The following CUBN variants were observed in gnomAD, a reference collection of about 807,000 sequenced individuals.
CUBN encodes 460 kDa receptor.
Under a neutral mutation model 405.3 loss-of-function variants are expected in CUBN, and 282 were observed. The ratio of observed to expected loss-of-function variants is 0.70; its 90% CI spans 0.63 to 0.77. The LOEUF (loss-of-function observed/expected upper bound fraction) is 0.77, where lower values mean the gene tolerates loss of function less well. CUBN is among the 30% of genes least tolerant of loss of function. CUBN has a pLI of 0.00. For missense variants in CUBN, 4,514 were observed against 4,475.2 expected (o/e 1.01, Z -0.25); for synonymous variants, 1,684 against 1,617.0 (o/e 1.04, Z -0.99).
intron 65 of CUBN, among the ~76,000 whole-genome samples, chr10:16,830,787 G>A (rs1838963899): frequency 6.6e-6 from 1 of 152,080 alleles, no homozygotes; most frequent in African/African-American, 2.4e-5. Context: ...CAGAAATAAT[G>A]AATAAATGTA....
chr10:17,119,526 G>T (rs1023439979), intron 6 of CUBN, among the ~76,000 whole-genome samples: 1 of 152,174 alleles, frequency 6.6e-6, no homozygotes, highest in Admixed American at 6.5e-5. Flanking sequence ...CGGGTATGGT[G>T]TCAGGTGCCT....
At chr10:17,000,954 G>A (rs1306536942) in intron 28 of CUBN, among the ~76,000 whole-genome samples, 1 of 152,224 alleles carries the variant, frequency 6.6e-6, no homozygotes, top group African/African-American at 2.4e-5. Flanking sequence ...TGAACAGTGA[G>A]TGTTACAGTT....
chr10:17,003,548 A>G (rs917819761), intron 28 of CUBN, among the ~76,000 whole-genome samples: 2 of 152,204 alleles, frequency 1.3e-5, no homozygotes, highest in African/African-American at 2.4e-5. Context: ...TCGTTCAACA[A>G]AAGTTTTTTG....
Position 16,901,478 on chromosome 10 carries a change from C to T in CUBN, c.8063-19G>A. 1.2e-6 allele frequency: 2 copies of T among 1,613,904 alleles called. No individual in the cohort carries two copies. Among genetic ancestry groups the T allele is most frequent in the Non-Finnish European group, 1.7e-6 (2 of 1,179,886 alleles). Reference sequence around the variant, plus strand: ...CCACAATCTGAAATGAGATTGGTAACCCTCTCAATAAAACAGAAGTAAAAA... The same window carrying T: ...CCACAATCTGAAATGAGATTGGTAATCCTCTCAATAAAACAGAAGTAAAAA... On this transcript the variant is annotated intron_variant, in intron 51 of 66. Transcript: ENST00000377833.
intron 50 of CUBN, 106 bp from the exon 51 acceptor site, chr10:16,904,221 A>G: frequency 9.3e-7 from 1 of 1,079,836 alleles, no homozygotes; most frequent in South Asian, 1.3e-5. Context: ...ACACACACTT[A>G]AATTCTGATT....
rs1374128716 is a variant in CUBN at position 16,874,512 on chromosome 10, G to A, written c.9107-9C>T. On this transcript the variant is annotated splice_polypyrimidine_tract_variant and intron_variant, in intron 57 of 66. Coordinates refer to ENST00000377833, the MANE Select transcript of CUBN (RefSeq NM_001081.4). ...GAACACACCACCACAGGCTGCAACA[G>A]AAGACAAGGGAATATGAAGAGAACA... The A allele has an allele frequency of 1.9e-6, 3 of 1,614,104 alleles. No individual in the cohort carries two copies. Among genetic ancestry groups the A allele is most frequent in the Non-Finnish European group, 2.5e-6 (3 of 1,179,968 alleles).
chr10:16,844,194 G>A (rs1353499367), intron 60 of CUBN, among the ~76,000 whole-genome samples: 2 of 151,630 alleles, frequency 1.3e-5, no homozygotes, highest in Admixed American at 6.6e-5. Context: ...GCTTGAACCC[G>A]GGAGGCAGAG....
At chr10:16,877,575 C>T (rs961934009) in intron 56 of CUBN, among the ~76,000 whole-genome samples, 3 of 152,190 alleles carry the variant, frequency 2.0e-5, no homozygotes, top group Non-Finnish European at 4.4e-5. Flanking sequence ...AGCGCTGCTA[C>T]TGAGAAAACT....
chr10:17,004,127 G>T (rs984554662), intron 28 of CUBN, among the ~76,000 whole-genome samples: 3 of 152,012 alleles, frequency 2.0e-5, no homozygotes, highest in Non-Finnish European at 2.9e-5. Context: ...TTCTTCAAGG[G>T]CTCTAAAATC....
chr10:16,901,897 A>G (rs1337696155), intron 51 of CUBN, among the ~76,000 whole-genome samples: 8 of 14,936 alleles, frequency 5.4e-4, no homozygotes, highest in Admixed American at 2.2e-3. Context: ...TAGTATATAT[A>G]TATATATATA....
chr10:16,915,280 G>A (rs1463298947), intron 46 of CUBN, 108 bp from the exon 47 acceptor site: 1 of 1,312,124 alleles, frequency 7.6e-7, no homozygotes, highest in Non-Finnish European at 1.1e-6. Context: ...ACAAGACCCT[G>A]CCTATGAAGA....
intron 23 of CUBN, among the ~76,000 whole-genome samples, chr10:17,046,693 G>A (rs140710532): frequency 0.014 from 2,135 of 152,196 alleles, 25 homozygotes; most frequent in Non-Finnish European, 0.022. Flanking sequence ...ATTTTAGCAC[G>A]ATAGGGTCCA....
At chr10:16,988,522 A>C (rs1833492413) in intron 29 of CUBN, among the ~76,000 whole-genome samples, 1 of 152,224 alleles carries the variant, frequency 6.6e-6, no homozygotes, top group Non-Finnish European at 1.5e-5. Context: ...TCAGAGATAG[A>C]AATGGTAAGT....
At chr10:17,026,838 G>T (rs1287992715) in intron 27 of CUBN, among the ~76,000 whole-genome samples, 3 of 152,148 alleles carry the variant, frequency 2.0e-5, no homozygotes, top group African/African-American at 7.2e-5. Flanking sequence ...CCTCCATAAG[G>T]CACATGGCCA....
At chr10:16,906,458 C>T (rs183476680) in intron 49 of CUBN, 49 bp from the exon 50 acceptor site, 2 of 1,285,494 alleles carry the variant, frequency 1.6e-6, no homozygotes, top group East Asian at 2.3e-5. Flanking sequence ...ATTCAGGCCA[C>T]AACGGAAGAG....
intron 31 of CUBN, among the ~76,000 whole-genome samples, chr10:16,980,923 T>C (rs1833251863): frequency 2.6e-5 from 4 of 151,888 alleles, no homozygotes; most frequent in Admixed American, 2.6e-4. Context: ...AAATAGAACT[T>C]CATTCACTCT....
intron 27 of CUBN, among the ~76,000 whole-genome samples, chr10:17,021,379 G>A (rs982351592): frequency 6.6e-6 from 1 of 152,112 alleles, no homozygotes; most frequent in Non-Finnish European, 1.5e-5. Flanking sequence ...AACAAGACTG[G>A]CTTCCTCAGG....
Position 16,950,003 on chromosome 10 carries a change from C to T in CUBN, c.5078G>A (p.Arg1693Gln), listed in dbSNP as rs372361501. 25 of 1,611,876 alleles carry T rather than the reference C, an allele frequency of 1.6e-5. No homozygotes were observed. In the Admixed American group the frequency reaches 2.3e-4, roughly 15 times the overall value. The change falls in exon 34 of 67, where the codon CGA (arginine) becomes CAA (glutamine). Residue 1693 changes from arginine (R) to glutamine (Q), a missense_variant and splice_region_variant. Physicochemically the swap from Arg to Gln is conservative, Grantham distance 43. Around this residue, in one of 5 missense-constraint regions of CUBN, gnomAD observed 1,613 missense variants for 1,542.8 expected, o/e 1.05. Coordinates refer to ENST00000377833, the MANE Select transcript of CUBN (RefSeq NM_001081.4). ...LDGGHEDAPLRGRYCGTDMPH... is the reference protein window; with the variant it reads ...LDGGHEDAPLQGRYCGTDMPH... ...TAGATGAGTGAACGCTGAGGTACCT[C>T]GGAGGGGCGCGTCTTCGTGGCCGCC...
At chr10:16,945,180 G>A (rs1842741307) in intron 36 of CUBN, among the ~76,000 whole-genome samples, 1 of 151,838 alleles carries the variant, frequency 6.6e-6, no homozygotes, top group Non-Finnish European at 1.5e-5. Context: ...TGTGAATGTG[G>A]TAGAGACAAA....
Sources: allele counts gnomAD v4.1 joint callset (sites outside exome capture counted in the v4.1 genomes callset), GRCh38; gene constraint gnomAD v4.1.1; regional missense constraint gnomAD v4.1.1; transcripts MANE v1.5; gene names NCBI Gene and HGNC (gene_info 2026-07-23, HGNC 2026-07-21).